Variants in CNTN4 observed in about 807,000 individuals in gnomAD.
CNTN4 encodes contactin 4.
Under a neutral mutation model 122.5 loss-of-function variants are expected in CNTN4, and 77 were observed. The ratio of observed to expected loss-of-function variants is 0.63; its 90% CI spans 0.52 to 0.76. The LOEUF (loss-of-function observed/expected upper bound fraction) is 0.76, where lower values mean the gene tolerates loss of function less well. CNTN4 is among the 30% of genes least tolerant of loss of function. CNTN4 has a pLI of 0.00. For synonymous variants in CNTN4, 512 were observed against 447.0 expected (o/e 1.15, Z -1.83); for missense variants, 1,256 against 1,259.1 (o/e 1.00, Z 0.04).
At chr3:2,803,085 T>C (rs1250582529) in intron 6 of CNTN4, among the ~76,000 whole-genome samples, 1 of 152,248 alleles carries the variant, frequency 6.6e-6, no homozygotes, top group Middle Eastern at 3.4e-3. Flanking sequence ...AGAACTCCAA[T>C]GAGTCAGTAA....
chr3:2,356,901 T>G (rs1184613220), intron 3 of CNTN4, among the ~76,000 whole-genome samples: 1 of 152,176 alleles, frequency 6.6e-6, no homozygotes, highest in Admixed American at 6.5e-5. Flanking sequence ...AAGAATAAAT[T>G]TTTATAAGAG....
intron 4 of CNTN4, among the ~76,000 whole-genome samples, chr3:2,602,574 T>C (rs1408042993): frequency 6.6e-6 from 1 of 152,030 alleles, no homozygotes; most frequent in Admixed American, 6.6e-5. Context: ...AAAACACTGC[T>C]CAACAAAATA....
chr3:3,043,746 G>A lies in CNTN4; in HGVS notation c.2811+42G>A, dbSNP rs145255370. ...TTGCAAAGGCACCTAATCGTGCTGTGAGTGGGGGCAGTCTCCTCCATGAAT... is the reference window on the plus strand; with the variant it reads ...TTGCAAAGGCACCTAATCGTGCTGTAAGTGGGGGCAGTCTCCTCCATGAAT... On this transcript the variant is annotated intron_variant, in intron 23 of 24. Coordinates refer to ENST00000418658, the MANE Select transcript of CNTN4 (RefSeq NM_175607.3). 17 of 1,255,794 alleles carry A rather than the reference G, an allele frequency of 1.4e-5. 1 individual carries two copies. Among genetic ancestry groups the A allele is most frequent in the Non-Finnish European group, 1.9e-5 (16 of 855,624 alleles). The allele number at this position is 1,255,794 out of a possible 1,614,324, so 77.8% of individuals were successfully genotyped here.
intron 3 of CNTN4, among the ~76,000 whole-genome samples, chr3:2,351,052 T>C (rs879917487): frequency 2.0e-5 from 3 of 152,312 alleles, no homozygotes; most frequent in South Asian, 2.1e-4. Context: ...TCTGTATTTG[T>C]AAAAGTTCCT....
chr3:2,290,715 A>G (rs184089434), intron 2 of CNTN4, among the ~76,000 whole-genome samples: 255 of 152,326 alleles, frequency 1.7e-3, no homozygotes, highest in Non-Finnish European at 2.9e-3. Flanking sequence ...ACAGGAAGCC[A>G]TTGAAGAGTT....
chr3:2,397,413 A>C (rs2046680004), intron 3 of CNTN4, among the ~76,000 whole-genome samples: 1 of 151,932 alleles, frequency 6.6e-6, no homozygotes, highest in South Asian at 2.1e-4. Context: ...TTATTTTAAA[A>C]TGTTCTGAAG....
intron 3 of CNTN4, among the ~76,000 whole-genome samples, chr3:2,359,277 A>G (rs2045011777): frequency 6.6e-6 from 1 of 151,794 alleles, no homozygotes; most frequent in Admixed American, 6.5e-5. Flanking sequence ...GATTGGAGAG[A>G]ACCGCATACA....
At chr3:2,629,497 G>A (rs754742103) in intron 4 of CNTN4, 72 of 417,344 alleles carry the variant, frequency 1.7e-4, no homozygotes, top group Non-Finnish European at 3.3e-4. Flanking sequence ...TTCTAGTGAA[G>A]AATTTTACCC....
At chr3:2,320,748 T>A (rs961439460) in intron 2 of CNTN4, among the ~76,000 whole-genome samples, 1 of 152,282 alleles carries the variant, frequency 6.6e-6, no homozygotes, top group South Asian at 2.1e-4. Context: ...TCTGAAATTA[T>A]TAATGCCAGT....
At chr3:2,805,617 G>A (rs1279145202) in intron 6 of CNTN4, among the ~76,000 whole-genome samples, 2 of 152,188 alleles carry the variant, frequency 1.3e-5, no homozygotes, top group Non-Finnish European at 2.9e-5. Context: ...GTGGTGAGGT[G>A]AGGCTGTACC....
At chr3:2,708,458 C>T (rs532517105) in intron 4 of CNTN4, among the ~76,000 whole-genome samples, 19 of 152,212 alleles carry the variant, frequency 1.2e-4, no homozygotes, top group East Asian at 3.9e-4. Flanking sequence ...GGAGGGGATA[C>T]GTTCTCTAGA....
intron 6 of CNTN4, among the ~76,000 whole-genome samples, chr3:2,779,202 A>T (rs1292471082): frequency 6.6e-6 from 1 of 152,060 alleles, no homozygotes; most frequent in Non-Finnish European, 1.5e-5. Flanking sequence ...TGAATCTTAG[A>T]CCAATATTTA....
Position 2,781,849 on chromosome 3 carries a change from C to T in CNTN4, c.358+36152C>T, listed in dbSNP as rs942400029. 8.4e-5 allele frequency among the ~76,000 whole-genome samples: 11 copies of T among 131,610 alleles called. 1 individual carries two copies. The highest frequency in any genetic ancestry group is 2.3e-4 in the South Asian group (1 of 4,354). 86.3% of individuals were successfully genotyped at this position (131,610 alleles called of 152,430 possible). On this transcript the variant is annotated intron_variant, in intron 6 of 24. Coordinates refer to ENST00000418658, the MANE Select transcript of CNTN4 (RefSeq NM_175607.3). ...CCGCCATTCTCCTGCCTCAGCCTCC[C>T]GAGTAGCTGGGACTGCAGGCGCCCG...
At chr3:2,369,125 A>C (rs978473714) in intron 3 of CNTN4, among the ~76,000 whole-genome samples, 1 of 151,930 alleles carries the variant, frequency 6.6e-6, no homozygotes, top group African/African-American at 2.4e-5. Flanking sequence ...CAGTTTAACC[A>C]TGTTGGCCAG....
intron 3 of CNTN4, among the ~76,000 whole-genome samples, chr3:2,453,211 A>G (rs550914142): frequency 2.1e-4 from 32 of 152,002 alleles, no homozygotes; most frequent in African/African-American, 7.0e-4. Flanking sequence ...AAAAAAGTCA[A>G]TCAAGTCAGA....
chr3:2,822,391 G>C (rs139730894), intron 7 of CNTN4, among the ~76,000 whole-genome samples: 1 of 152,096 alleles, frequency 6.6e-6, no homozygotes, highest in Non-Finnish European at 1.5e-5. Flanking sequence ...ATTATAACTC[G>C]ATAAGGGCTA....
At chr3:2,247,756 T>C (rs909461711) in intron 2 of CNTN4, among the ~76,000 whole-genome samples, 2 of 151,936 alleles carry the variant, frequency 1.3e-5, no homozygotes, top group African/African-American at 4.8e-5. Context: ...GGGGAACAAA[T>C]AGCAACCCAT....
intron 2 of CNTN4, among the ~76,000 whole-genome samples, chr3:2,126,240 T>C (rs1194457628): frequency 6.6e-6 from 1 of 152,116 alleles, no homozygotes; most frequent in Admixed American, 6.5e-5. Context: ...AAAAAATAAA[T>C]CTCTACTATA....
chr3:2,821,968 T>C (rs2092885456), intron 7 of CNTN4, among the ~76,000 whole-genome samples: 1 of 152,208 alleles, frequency 6.6e-6, no homozygotes, highest in Non-Finnish European at 1.5e-5. Flanking sequence ...AATTCTGAGC[T>C]AACATTTCCA....
Sources: allele counts gnomAD v4.1 joint callset (sites outside exome capture counted in the v4.1 genomes callset), GRCh38; gene constraint gnomAD v4.1.1; transcripts MANE v1.5; gene names NCBI Gene and HGNC (gene_info 2026-07-23, HGNC 2026-07-21).